PCDHA10: variants seen among roughly 807,000 people sequenced by gnomAD.
PCDHA10 encodes the protein protocadherin alpha 10.
A neutral mutation model predicts 61.2 loss-of-function variants in PCDHA10; 45 were observed. The observed-to-expected ratio is 0.74, with a 90% confidence interval of 0.58 to 0.94. The LOEUF (loss-of-function observed/expected upper bound fraction) is 0.94. Ranked by LOEUF, PCDHA10 falls within the 40% of genes least tolerant of loss-of-function variation. The pLI is 0.00. For synonymous variants in PCDHA10, 602 were observed against 548.8 expected, an observed-to-expected ratio of 1.10 and a Z score of -1.35; for missense variants, 1,278 against 1,236.2, an observed-to-expected ratio of 1.03 and a Z score of -0.51.
At chr5:140,937,174 A>G (rs1449263512) in intron 1 of PCDHA10, among the ~76,000 whole-genome samples, 1 of 151,302 alleles carries the variant, frequency 6.6e-6, no homozygotes, top group Non-Finnish European at 1.5e-5. Flanking sequence ...AGTAGCTGGG[A>G]CTACAGGCGC....
rs782684247 is a variant in PCDHA10, at chr5:140,870,024, A to T, written c.2388+11588A>T. The T allele has an allele frequency of 3.1e-6, 5 of 1,613,624 alleles. No individual in the cohort carries two copies. The Admixed American group carries it at 6.7e-5, about 22-fold the overall frequency. On this transcript the variant is annotated intron_variant, in intron 1 of 3. Coordinates refer to ENST00000307360, the MANE Select transcript of PCDHA10 (RefSeq NM_018901.4). The stretch of plus-strand genomic sequence containing the variant: ...GAGAAGTGAGGGTCAATGGAACTTT[A>T]GATTATGAAGAAAACAAGTTTTATA...
intron 1 of PCDHA10, among the ~76,000 whole-genome samples, chr5:140,896,733 C>T (rs920661983): frequency 2.0e-5 from 3 of 151,970 alleles, no homozygotes; most frequent in Non-Finnish European, 2.9e-5. Flanking sequence ...TGTTTAAGTT[C>T]CTTATAGATT....
In PCDHA10 at chr5:140,856,096, GCTT is replaced by G. The variant is rs782403061; in HGVS notation, c.54_56del (p.Leu20del). 1 of 1,597,460 alleles carries G rather than the reference GCTT, an allele frequency of 6.3e-7. No homozygotes were observed. The highest frequency in any genetic ancestry group is 1.1e-5 in the South Asian group (1 of 90,488). ...TGGGGGTCCAGTGTCTGCTGCTCTCGCTTCTTCTCCTCGCAGCCTGGGAGGTGG... is the reference window on the plus strand; with the variant it reads ...TGGGGGTCCAGTGTCTGCTGCTCTCGCTTCTCCTCGCAGCCTGGGAGGTGG... On this transcript the variant is annotated inframe_deletion, in exon 1 of 4. Coordinates refer to ENST00000307360, the MANE Select transcript of PCDHA10 (RefSeq NM_018901.4).
chr5:140,898,464 T>C (rs2066757130), intron 1 of PCDHA10, among the ~76,000 whole-genome samples: 1 of 152,198 alleles, frequency 6.6e-6, no homozygotes, highest in Admixed American at 6.5e-5. Flanking sequence ...CCCCATTGCT[T>C]GTTTTTCTCA....
intron 1 of PCDHA10, chr5:140,866,442 T>C (rs2049360062): frequency 6.6e-6 from 1 of 151,872 alleles, no homozygotes; most frequent in Non-Finnish European, 1.5e-5. Flanking sequence ...TCTTCTTCAG[T>C]CTTATTGTTG....
Position 140,858,322 on chromosome 5 carries a change from T to C in PCDHA10, c.2274T>C (p.Ser758=). ...AGCAGAGGCGGCAGAGGGTGTGTTC[T>C]GGGGAGGGCCTGCCCAAGGCGGACC... ...YSQQRRQRVC[S]GEGLPKADLM... is the part of the protein sequence containing the mutation. Residue 758 remains serine (S), a synonymous_variant, in exon 1 of 4, where the codon TCT becomes TCC. Coordinates refer to ENST00000307360, the MANE Select transcript of PCDHA10 (RefSeq NM_018901.4). 2 of 1,596,852 alleles carry C rather than the reference T, an allele frequency of 1.3e-6. No individual in the cohort carries two copies. The highest frequency in any genetic ancestry group is 2.2e-5 in the South Asian group (2 of 90,404).
At chr5:140,912,443 G>T (rs1351780500) in intron 1 of PCDHA10, among the ~76,000 whole-genome samples, 3 of 151,748 alleles carry the variant, frequency 2.0e-5, no homozygotes, top group African/African-American at 7.3e-5. Flanking sequence ...TGATTTGTGT[G>T]CATTGATTTT....
intron 1 of PCDHA10, among the ~76,000 whole-genome samples, chr5:140,888,764 T>G (rs74654123): frequency 6.6e-6 from 1 of 152,068 alleles, no homozygotes; most frequent in Non-Finnish European, 1.5e-5. Flanking sequence ...CTTTTTTTTT[T>G]AATTTTGAAG....
At chr5:140,901,278 A>AT (rs1554189713) in intron 1 of PCDHA10, among the ~76,000 whole-genome samples, 2 of 152,102 alleles carry the variant, frequency 1.3e-5, no homozygotes, top group Non-Finnish European at 2.9e-5. Context: ...TACTCAAGAA[A>AT]TTTTTGCCCA....
At chr5:140,870,955 C>G (rs782342308) in intron 1 of PCDHA10, 1 of 1,613,632 alleles carries the variant, frequency 6.2e-7, no homozygotes, top group South Asian at 1.1e-5. Context: ...GGGCGGCTCG[C>G]GCATCCCGTT....
At chr5:140,858,581 T>C in intron 1 of PCDHA10, 145 bp downstream of exon 1, 1 of 1,350,098 alleles carries the variant, frequency 7.4e-7, no homozygotes, top group South Asian at 1.4e-5. Context: ...CTTTGTAATA[T>C]AATTTATTCC....
chr5:140,856,859 G>A lies in PCDHA10; in HGVS notation c.811G>A (p.Gly271Arg). ...IRLNASDSDE[G>R]INKEMMYSFS... ...GCTCAACGCTTCTGATTCGGATGAA[G>A]GAATAAACAAGGAAATGATGTATTC... is the stretch of plus-strand genomic sequence containing the variant. The change falls in exon 1 of 4, where the codon GGA becomes AGA. Residue 271 changes from glycine to arginine, a missense_variant. Physicochemically the swap from Gly to Arg is moderately radical, Grantham distance 125. Coordinates refer to ENST00000307360, the MANE Select transcript of PCDHA10 (RefSeq NM_018901.4). The A allele has an allele frequency of 6.3e-7, 1 of 1,594,674 alleles. No individual in the cohort carries two copies. The highest frequency in any genetic ancestry group is 1.3e-5 in the African/African-American group (1 of 74,282).
At chr5:140,883,365 G>A in intron 1 of PCDHA10, 1 of 1,614,148 alleles carries the variant, frequency 6.2e-7, no homozygotes, top group Non-Finnish European at 8.5e-7. Context: ...ACTCAGCCTA[G>A]CGCCATTATT....
chr5:140,876,206 C>A, intron 1 of PCDHA10: 1 of 1,613,864 alleles, frequency 6.2e-7, no homozygotes, highest in Non-Finnish European at 8.5e-7. Flanking sequence ...TTTGATAAGC[C>A]CAGCTATAAA....
intron 1 of PCDHA10, among the ~76,000 whole-genome samples, chr5:140,888,192 A>G (rs906159358): frequency 4.6e-5 from 7 of 152,120 alleles, no homozygotes; most frequent in Non-Finnish European, 8.8e-5. Context: ...TGAATTTTAC[A>G]TTGTCGGATG....
chr5:140,875,573 C>A, intron 1 of PCDHA10: 1 of 1,614,112 alleles, frequency 6.2e-7, no homozygotes, highest in Non-Finnish European at 8.5e-7. Context: ...CTCCACTACT[C>A]CGTCTACGAG....
chr5:140,992,154 C>T (rs2097495252), intron 3 of PCDHA10, among the ~76,000 whole-genome samples: 1 of 151,952 alleles, frequency 6.6e-6, no homozygotes. Flanking sequence ...TTTGCTCAAT[C>T]AAGAAGTGTG....
intron 1 of PCDHA10, among the ~76,000 whole-genome samples, chr5:140,971,149 G>C (rs2096459410): frequency 1.3e-5 from 2 of 152,200 alleles, no homozygotes; most frequent in Admixed American, 1.3e-4. Context: ...GAACAAGTCA[G>C]GCCAGGCTCA....
chr5:140,857,826 T>G lies in PCDHA10; in HGVS notation c.1778T>G (p.Val593Gly). The G allele has an allele frequency of 6.3e-7, 1 of 1,597,464 alleles. No homozygotes were observed. Among genetic ancestry groups the G allele is most frequent in the Non-Finnish European group, 8.6e-7 (1 of 1,167,490 alleles). ...GTTGCGGGTCACGTGGTGGCTAAGG[T>G]GCGCGCAGTGGACGCTGACTCTGGA... ...SVVAGHVVAK[V>G]RAVDADSGYN... is the part of the protein sequence containing the mutation. The change falls in exon 1 of 4, where the codon GTG becomes GGG. Residue 593 changes from valine to glycine, a missense_variant. Physicochemically the swap from Val to Gly is moderately radical, Grantham distance 109 (BLOSUM62 -3). Transcript: ENST00000307360.
Sources: gnomAD v4.1 joint callset for allele counts (sites outside exome capture counted in the v4.1 genomes callset) on GRCh38, gnomAD v4.1.1 for gene constraint, MANE v1.5 for transcripts, NCBI Gene and HGNC (gene_info 2026-07-23, HGNC 2026-07-21) for gene names.